Variants in SMAD1 observed in about 807,000 individuals in gnomAD.
SMAD1 encodes the protein SMAD family member 1.
SMAD1 carries 6 observed loss-of-function variants against 41.6 expected under a neutral mutation model. The observed-to-expected ratio is 0.14, with a 90% confidence interval of 0.08 to 0.28. The LOEUF (loss-of-function observed/expected upper bound fraction) is 0.28, where lower values mean the gene tolerates loss of function less well. SMAD1 is among the 10% of genes least tolerant of loss of function. The pLI, the probability that SMAD1 is intolerant of heterozygous loss-of-function variation, is 1.00. For missense variants in SMAD1, 379 were observed against 582.6 expected, an observed-to-expected ratio of 0.65 and a Z score of 3.60; for synonymous variants, 206 against 203.2, an observed-to-expected ratio of 1.01 and a Z score of -0.12.
At chr4:145,484,676 T>C (rs1036695506) in intron 1 of SMAD1, 2 of 152,206 alleles carry the variant, frequency 1.3e-5, no homozygotes, top group Non-Finnish European at 2.9e-5. Context: ...ATTGTATAAG[T>C]AGCTTTTCAT....
chr4:145,517,301 A>T (rs926143888), intron 2 of SMAD1, among the ~76,000 whole-genome samples: 1 of 151,624 alleles, frequency 6.6e-6, no homozygotes, highest in African/African-American at 2.4e-5. Context: ...TGTCTAGCCC[A>T]CTCTTATTTA....
chr4:145,481,782 C>A, upstream of SMAD1: 1 of 192,446 alleles, frequency 5.2e-6, no homozygotes, highest in Non-Finnish European at 1.1e-5. Context: ...GGCGGGCAGG[C>A]GAGTGCGCCG....
chr4:145,502,200 CT>C (rs1249731187), intron 1 of SMAD1, among the ~76,000 whole-genome samples: 3 of 152,122 alleles, frequency 2.0e-5, no homozygotes, highest in Non-Finnish European at 4.4e-5. Context: ...GGCCAGGAGT[CT>C]TTACAGTGTT....
chr4:145,541,330 A>G (rs991309549), intron 3 of SMAD1, among the ~76,000 whole-genome samples: 15 of 152,328 alleles, frequency 9.8e-5, no homozygotes, highest in African/African-American at 3.4e-4. Flanking sequence ...GCCTGTAGGA[A>G]TAGTAGAATA....
At chr4:145,508,183 A>G (rs1454180321) in intron 1 of SMAD1, among the ~76,000 whole-genome samples, 1 of 151,730 alleles carries the variant, frequency 6.6e-6, no homozygotes, top group Non-Finnish European at 1.5e-5. Flanking sequence ...GCTAATTCTC[A>G]GATTTAAAAC....
chr4:145,483,212 TCCC>T (rs756772168), intron 1 of SMAD1: 6 of 152,142 alleles, frequency 3.9e-5, no homozygotes, highest in Non-Finnish European at 7.3e-5. Context: ...TTCTCTGCCC[TCCC>T]CCCTCTTTTC....
chr4:145,546,674 T>C, intron 4 of SMAD1, 29 bp from the exon 5 acceptor site: 1 of 1,540,244 alleles, frequency 6.5e-7, no homozygotes, highest in African/African-American at 1.4e-5. Context: ...GCACTAACCT[T>C]GGTTGATATA....
chr4:145,487,565 T>A (rs1459611073), intron 1 of SMAD1, among the ~76,000 whole-genome samples: 2 of 152,208 alleles, frequency 1.3e-5, no homozygotes, highest in East Asian at 3.8e-4. Context: ...ATATTCAGTC[T>A]AATCTGTTGA....
At chr4:145,485,959 T>A (rs1321844634) in intron 1 of SMAD1, among the ~76,000 whole-genome samples, 2 of 152,196 alleles carry the variant, frequency 1.3e-5, no homozygotes, top group African/African-American at 4.8e-5. Flanking sequence ...AGTGAATGAT[T>A]ATGATTTCTA....
rs1285343196 is a variant in SMAD1 at position 145,530,826 on chromosome 4, A to G, written c.401-8978A>G. On this transcript the variant is annotated intron_variant, in intron 2 of 6. Coordinates refer to ENST00000302085, the MANE Select transcript of SMAD1 (RefSeq NM_005900.3). Reference sequence around the variant, plus strand: ...GTTTTATAGTACTGAGTGATTGTCTAGTGGTTATGAGCAGACCTTGATTCA... The same window carrying G: ...GTTTTATAGTACTGAGTGATTGTCTGGTGGTTATGAGCAGACCTTGATTCA... 2.6e-5 allele frequency among the ~76,000 whole-genome samples: 4 copies of G among 152,214 alleles called. No individual in the cohort carries two copies. The East Asian group carries it at 7.7e-4, about 29-fold the overall frequency.
intron 4 of SMAD1, among the ~76,000 whole-genome samples, chr4:145,542,981 T>G (rs1272987958): frequency 6.6e-6 from 1 of 152,116 alleles, no homozygotes; most frequent in African/African-American, 2.4e-5. Flanking sequence ...ATTTTTTTTT[T>G]GTTTTTTTTT....
intron 2 of SMAD1, among the ~76,000 whole-genome samples, chr4:145,516,727 G>T (rs918918411): frequency 2.0e-5 from 3 of 152,164 alleles, no homozygotes; most frequent in African/African-American, 7.2e-5. Context: ...AATGGAAATG[G>T]AGCTAAGAGT....
chr4:145,483,347 C>T (rs1728301307), intron 1 of SMAD1, among the ~76,000 whole-genome samples: 1 of 152,336 alleles, frequency 6.6e-6, no homozygotes, highest in Non-Finnish European at 1.5e-5. Context: ...TATTTCAGAA[C>T]ATCTCTGGGT....
chr4:145,496,570 TTC>T (rs1736147382), intron 1 of SMAD1, among the ~76,000 whole-genome samples: 1 of 152,188 alleles, frequency 6.6e-6, no homozygotes, highest in Non-Finnish European at 1.5e-5. Flanking sequence ...TCAGATTTTT[TTC>T]TCAACCAAAA....
chr4:145,487,556 T>C (rs1449998964), intron 1 of SMAD1, among the ~76,000 whole-genome samples: 1 of 152,180 alleles, frequency 6.6e-6, no homozygotes, highest in East Asian at 1.9e-4. Flanking sequence ...GTAGTACAAA[T>C]ATTCAGTCTA....
intron 1 of SMAD1, chr4:145,498,090 CA>C (rs1163771867): frequency 1.3e-5 from 2 of 152,112 alleles, no homozygotes; most frequent in Non-Finnish European, 2.9e-5. Context: ...AGGACAGGAC[CA>C]AATTGCTTGT....
rs781576677 is a variant in SMAD1 at position 145,554,026 on chromosome 4, A to G, written c.1240A>G (p.Met414Val). ...GCTTACAAAAATGTGTACTATACGTATGAGCTTTGTGAAGGTAAGTGAGCT... is the reference window on the plus strand; with the variant it reads ...GCTTACAAAAATGTGTACTATACGTGTGAGCTTTGTGAAGGTAAGTGAGCT... ...YELTKMCTIR[M>V]SFVKGWGAEY... Residue 414 changes from methionine to valine, a missense_variant, in exon 6 of 7, where the codon ATG (methionine) becomes GTG (valine). This residue lies in a region of SMAD1 where 107 missense variants were observed against 218.3 expected (regional missense o/e 0.49). Coordinates refer to ENST00000302085, the MANE Select transcript of SMAD1 (RefSeq NM_005900.3). The G allele has an allele frequency of 2.5e-6, 4 of 1,611,396 alleles. No homozygotes were observed. The highest frequency in any genetic ancestry group is 3.4e-6 in the Non-Finnish European group (4 of 1,178,754).
intron 2 of SMAD1, 94 bp downstream of exon 2, chr4:145,515,107 G>A (rs973900041): frequency 8.4e-7 from 1 of 1,192,328 alleles, no homozygotes; most frequent in Non-Finnish European, 1.2e-6. Context: ...CTTGTTTTTA[G>A]TTGTAATTTA....
Position 145,514,502 on chromosome 4 carries a change from T to C in SMAD1, c.-112T>C. On this transcript the variant is annotated 5_prime_UTR_variant, in exon 2 of 7. Transcript: ENST00000302085. This position sits in a 1 kb window ranked among gnomAD's most constrained non-coding sequence, Gnocchi z 4.7. ...ATTTCTACTCTTCTGGACTTCAAAC[T>C]AAGAAGTTAAAGAGACTTCTCTGTA... The C allele has an allele frequency of 9.5e-7, 1 of 1,053,858 alleles. No homozygotes were observed. The highest frequency in any genetic ancestry group is 1.4e-6 in the Non-Finnish European group (1 of 737,504). The allele number at this position is 1,053,858 out of a possible 1,614,324, so 65.3% of individuals were successfully genotyped here.
Sources: allele counts gnomAD v4.1 joint callset (sites outside exome capture counted in the v4.1 genomes callset), GRCh38; gene constraint gnomAD v4.1.1; regional missense constraint gnomAD v4.1.1; non-coding constraint Gnocchi (gnomAD v3.1); transcripts MANE v1.5; gene names NCBI Gene and HGNC (gene_info 2026-07-23, HGNC 2026-07-21).